UMAD1: variants seen among roughly 807,000 people sequenced by gnomAD.
The protein encoded by UMAD1 is UBAP1-MVB12-associated (UMA) domain containing 1, also known as UBAP1-MVB12-associated (UMA)-domain containing protein 1.
Under a neutral mutation model 6.1 loss-of-function variants are expected in UMAD1, and 8 were observed. The observed-to-expected ratio is 1.30, with a 90% CI of 0.76 to 2.35. The LOEUF is 2.35. UMAD1 is among the 30% of genes most tolerant of loss of function. The pLI is 0.00. For missense variants in UMAD1, 130 were observed against 78.4 expected, an observed-to-expected ratio of 1.66 and a Z score of -2.49; for synonymous variants, 56 against 31.4, an observed-to-expected ratio of 1.78 and a Z score of -2.61.
At chr7:7,834,046 G>C (rs1363016913) in intron 3 of UMAD1, among the ~76,000 whole-genome samples, 7 of 132,234 alleles carry the variant, frequency 5.3e-5, no homozygotes, top group Admixed American at 1.6e-4. Flanking sequence ...TTTTTGAGAC[G>C]GAGTCTTGCT....
intron 2 of UMAD1, among the ~76,000 whole-genome samples, chr7:7,775,761 A>G (rs73051928): frequency 0.08 from 12,245 of 152,296 alleles, 540 homozygotes; most frequent in Non-Finnish European, 0.094. Flanking sequence ...GGAGGTAAAC[A>G]TATACCTACT....
At chr7:7,780,052 A>G (rs1782312526) in intron 2 of UMAD1, among the ~76,000 whole-genome samples, 1 of 152,230 alleles carries the variant, frequency 6.6e-6, no homozygotes, top group African/African-American at 2.4e-5. Context: ...TTATTTGTTT[A>G]TACACTGACT....
At chr7:7,670,824 C>T (rs994924726) in intron 1 of UMAD1, among the ~76,000 whole-genome samples, 2 of 152,136 alleles carry the variant, frequency 1.3e-5, no homozygotes, top group African/African-American at 4.8e-5. Context: ...AGAGAACAGT[C>T]AAAAGTTGTA....
intron 1 of UMAD1, among the ~76,000 whole-genome samples, chr7:7,643,214 A>G (rs1478433972): frequency 6.6e-6 from 1 of 152,196 alleles, no homozygotes; most frequent in Non-Finnish European, 1.5e-5. Flanking sequence ...CGAGGGAGAA[A>G]CAGCTTCCTG....
At chr7:7,870,256 A>C (rs896071688) in intron 3 of UMAD1, among the ~76,000 whole-genome samples, 1 of 152,228 alleles carries the variant, frequency 6.6e-6, no homozygotes, top group Non-Finnish European at 1.5e-5. Context: ...CGGTATGCTC[A>C]TATTTAAACT....
At chr7:7,752,730 G>GA (rs1163738677) in intron 2 of UMAD1, among the ~76,000 whole-genome samples, 1 of 151,858 alleles carries the variant, frequency 6.6e-6, no homozygotes, top group Admixed American at 6.6e-5. Context: ...AAAAATTTTA[G>GA]AAAAAAGCAT....
chr7:7,767,128 C>CTTTTTTTTGTT (rs1782001191), intron 2 of UMAD1, among the ~76,000 whole-genome samples: 1 of 129,794 alleles, frequency 7.7e-6, no homozygotes, highest in Non-Finnish European at 1.7e-5. Context: ...AAATTAAGCT[C>CTTTTTTTTGTT]TTTTTTTTTT....
chr7:7,764,604 G>T (rs75772349), intron 2 of UMAD1, among the ~76,000 whole-genome samples: 5,890 of 152,270 alleles, frequency 0.039, 130 homozygotes, highest in Middle Eastern at 0.089. Context: ...ATCACTTGAG[G>T]TAAGTTTGGA....
At chr7:7,869,950 GT>G (rs1020256030) in intron 3 of UMAD1, among the ~76,000 whole-genome samples, 25 of 152,100 alleles carry the variant, frequency 1.6e-4, no homozygotes, top group Non-Finnish European at 8.8e-5. Flanking sequence ...CTTGGAGTGT[GT>G]TTTTTCCTAA....
intron 2 of UMAD1, among the ~76,000 whole-genome samples, chr7:7,775,421 A>G (rs993214394): frequency 2.2e-4 from 33 of 152,132 alleles, no homozygotes; most frequent in African/African-American, 7.7e-4. Context: ...TGATGGTTTT[A>G]TAAGTGTCTG....
chr7:7,656,916 T>C (rs1283761698), intron 1 of UMAD1, among the ~76,000 whole-genome samples: 1 of 152,252 alleles, frequency 6.6e-6, no homozygotes, highest in Non-Finnish European at 1.5e-5. Context: ...GTTGAACTAA[T>C]TTACACTTCC....
chr7:7,847,062 A>T (rs1458538543), intron 3 of UMAD1, among the ~76,000 whole-genome samples: 3 of 30,390 alleles, frequency 9.9e-5, no homozygotes, highest in African/African-American at 1.7e-4. Flanking sequence ...ATAATAAAAA[A>T]AAAAAAAAAA....
intron 3 of UMAD1, among the ~76,000 whole-genome samples, chr7:7,855,101 G>A (rs1019066246): frequency 1.3e-5 from 2 of 152,238 alleles, no homozygotes; most frequent in African/African-American, 4.8e-5. Context: ...CTGCCTCTGT[G>A]GCTTTGCAGG....
At chr7:7,697,665 G>C (rs1490250508) in intron 2 of UMAD1, among the ~76,000 whole-genome samples, 1 of 152,002 alleles carries the variant, frequency 6.6e-6, no homozygotes, top group Non-Finnish European at 1.5e-5. Context: ...ATGTGACATT[G>C]GCACCCAGTG....
intron 3 of UMAD1, 138 bp from the exon 4 acceptor site, chr7:7,877,143 G>T: frequency 1.7e-6 from 1 of 603,356 alleles, no homozygotes; most frequent in Non-Finnish European, 3.0e-6. Flanking sequence ...CTAAAGTAAA[G>T]TAAAGAGCTG....
intron 2 of UMAD1, among the ~76,000 whole-genome samples, chr7:7,798,227 A>T (rs144546208): frequency 6.6e-6 from 1 of 152,212 alleles, no homozygotes; most frequent in East Asian, 1.9e-4. Context: ...TACAAAAAAA[A>T]TTTGCCAACC....
chr7:7,824,299 C>G (rs1460736145), intron 3 of UMAD1, among the ~76,000 whole-genome samples: 1 of 152,158 alleles, frequency 6.6e-6, no homozygotes, highest in Non-Finnish European at 1.5e-5. Flanking sequence ...GCATGGCATC[C>G]AGCACCCTCC....
In UMAD1 at chr7:7,677,683, T is replaced by G. The variant is rs1411670181; in HGVS notation, c.82+4230T>G. 9.0e-3 allele frequency among the ~76,000 whole-genome samples: 1,267 copies of G among 140,510 alleles called. 41 individuals are homozygous for G. The highest frequency in any genetic ancestry group is 0.03 in the African/African-American group (1,127 of 37,128). The allele number at this position is 140,510 out of a possible 152,430, so 92.2% of individuals were successfully genotyped here. A position where few individuals can be genotyped will look rare whatever the true frequency, so the allele number is the denominator to read the frequency against. On this transcript the variant is annotated intron_variant, in intron 2 of 3. Coordinates refer to ENST00000682710, the MANE Select transcript of UMAD1 (RefSeq NM_001302348.2). ...TTTTTTGTTTTTTTTTTTTTTTTTTTTTTTTTTTGAGACGGAGTCTCGCTC... is the reference window on the plus strand; with the variant it reads ...TTTTTTGTTTTTTTTTTTTTTTTTTGTTTTTTTTGAGACGGAGTCTCGCTC...
At chr7:7,717,213 C>T (rs1583770180) in intron 2 of UMAD1, among the ~76,000 whole-genome samples, 1 of 152,030 alleles carries the variant, frequency 6.6e-6, no homozygotes, top group East Asian at 1.9e-4. Flanking sequence ...TGCGCCACCA[C>T]GCCCAGCTAA....
Sources: gnomAD v4.1 joint callset for allele counts (sites outside exome capture counted in the v4.1 genomes callset) on GRCh38, gnomAD v4.1.1 for gene constraint, MANE v1.5 for transcripts, NCBI Gene and HGNC (gene_info 2026-07-23, HGNC 2026-07-21) for gene names.